TMEM60: variants seen among roughly 807,000 people sequenced by gnomAD.
TMEM60 encodes transmembrane protein 60.
A neutral mutation model predicts 10.7 loss-of-function variants in TMEM60; 4 were observed. That is an observed-to-expected ratio of 0.37 (90% CI 0.18 to 0.86). The LOEUF is 0.86. TMEM60 is among the 40% of genes least tolerant of loss of function. The pLI is 0.43. For synonymous variants in TMEM60, 56 were observed against 58.1 expected (o/e 0.96, Z 0.17); for missense variants, 128 against 153.4 (o/e 0.83, Z 0.88).
At chr7:77,797,460 C>T (rs575509273) in intron 1 of TMEM60, among the ~76,000 whole-genome samples, 1 of 152,224 alleles carries the variant, frequency 6.6e-6, no homozygotes, top group South Asian at 2.1e-4. Flanking sequence ...ACTTAAATGA[C>T]GATTGAAGGA....
At chr7:77,795,521 A>C (rs1792159150) in intron 1 of TMEM60, among the ~76,000 whole-genome samples, 1 of 152,198 alleles carries the variant, frequency 6.6e-6, no homozygotes, top group South Asian at 2.1e-4. Context: ...GTCTAAAAAA[A>C]AAAGATTGTA....
At chr7:77,795,550 A>G (rs1792159444) in intron 1 of TMEM60, among the ~76,000 whole-genome samples, 1 of 152,156 alleles carries the variant, frequency 6.6e-6, no homozygotes, top group Non-Finnish European at 1.5e-5. Context: ...GTTGGGCTAT[A>G]TAATATAAAA....
intron 1 of TMEM60, among the ~76,000 whole-genome samples, chr7:77,795,342 AAACCCC>A (rs1430512114): frequency 3.9e-5 from 6 of 152,122 alleles, no homozygotes; most frequent in African/African-American, 1.2e-4. Flanking sequence ...CAACATGGCG[AAACCCC>A]GTCTCTACTA....
At chr7:77,795,257 C>G (rs924043542) in intron 1 of TMEM60, among the ~76,000 whole-genome samples, 1 of 152,134 alleles carries the variant, frequency 6.6e-6, no homozygotes, top group African/African-American at 2.4e-5. Flanking sequence ...CAGTGGCTCA[C>G]ACCCACAGTC....
chr7:77,796,309 G>T (rs2150440586), intron 1 of TMEM60, among the ~76,000 whole-genome samples: 1 of 152,198 alleles, frequency 6.6e-6, no homozygotes, highest in Middle Eastern at 3.4e-3. Flanking sequence ...TGAAAACCTA[G>T]AATTTTGATT....
In TMEM60 at chr7:77,798,294, G is replaced by A. The variant is rs1792238908; in HGVS notation, c.-91C>T. 1 of 152,290 alleles carries A rather than the reference G, an allele frequency of 6.6e-6. No homozygotes were observed. The highest frequency in any genetic ancestry group is 1.5e-5 in the Non-Finnish European group (1 of 68,070). The allele number at this position is 152,290 out of a possible 1,614,324, so 9.4% of individuals were successfully genotyped here. On this transcript the variant is annotated 5_prime_UTR_variant, in exon 1 of 2. Coordinates refer to ENST00000257663, the MANE Select transcript of TMEM60 (RefSeq NM_032936.4). ...GCCGGAAAGCGGAGAGGGACGCGAAGATCAGCAAATTCGCCAGTTTGGATC... is the reference window on the plus strand; with the variant it reads ...GCCGGAAAGCGGAGAGGGACGCGAAAATCAGCAAATTCGCCAGTTTGGATC...
Position 77,793,813 on chromosome 7 carries a change from A to G in TMEM60, c.*159T>C. On this transcript the variant is annotated 3_prime_UTR_variant, in exon 2 of 2. Transcript: ENST00000257663. ...TGAATAATTAAGCTGTAGGTTGACT[A>G]GAAGTCCGTGATTCACCAATCCTGT... 1 of 714,836 alleles carries G rather than the reference A, an allele frequency of 1.4e-6. No individual in the cohort carries two copies. Among genetic ancestry groups the G allele is most frequent in the East Asian group, 3.1e-5 (1 of 32,616 alleles). The allele number at this position is 714,836 out of a possible 1,614,324, so 44.3% of individuals were successfully genotyped here. A position where few individuals can be genotyped will look rare whatever the true frequency, so the allele number is the denominator to read the frequency against.
intron 1 of TMEM60, 59 bp from the exon 2 acceptor site, chr7:77,794,482 A>G (rs377645527): frequency 3.4e-6 from 4 of 1,163,324 alleles, no homozygotes; most frequent in Non-Finnish European, 4.6e-6. Flanking sequence ...TATCACTTCC[A>G]TTCCTAATGA....
chr7:77,796,226 C>T (rs1481591955), intron 1 of TMEM60, among the ~76,000 whole-genome samples: 1 of 152,170 alleles, frequency 6.6e-6, no homozygotes, highest in East Asian at 1.9e-4. Context: ...GTTTGAGCCA[C>T]CACGCCGGCC....
rs747032871 is a variant in TMEM60, at chr7:77,793,936, T to C, written c.*36A>G. On this transcript the variant is annotated 3_prime_UTR_variant, in exon 2 of 2. Transcript: ENST00000257663. ...TCAGAACACTTTAATGGTAACTTGT[T>C]GAACAGCAATAGAAAGGAGATGATG... is the stretch of plus-strand genomic sequence containing the variant. 1 of 1,505,812 alleles carries C rather than the reference T, an allele frequency of 6.6e-7. No individual in the cohort carries two copies. The highest frequency in any genetic ancestry group is 2.3e-5 in the East Asian group (1 of 43,540). 93.3% of individuals were successfully genotyped at this position (1,505,812 alleles called of 1,614,324 possible).
chr7:77,795,349 G>A (rs897559555), intron 1 of TMEM60, among the ~76,000 whole-genome samples: 16 of 152,050 alleles, frequency 1.1e-4, no homozygotes, highest in Admixed American at 3.9e-4. Flanking sequence ...GCGAAACCCC[G>A]TCTCTACTAA....
chr7:77,797,301 G>C (rs1208179676), intron 1 of TMEM60, among the ~76,000 whole-genome samples: 1 of 152,024 alleles, frequency 6.6e-6, no homozygotes, highest in African/African-American at 2.4e-5. Context: ...TCTTACATTT[G>C]GCTGTACTTA....
At chr7:77,797,497 C>T (rs1311265018) in intron 1 of TMEM60, among the ~76,000 whole-genome samples, 4 of 152,176 alleles carry the variant, frequency 2.6e-5, no homozygotes, top group Non-Finnish European at 4.4e-5. Flanking sequence ...TGAGCTACAA[C>T]GATGACATAC....
At chr7:77,795,389 G>C (rs897270236) in intron 1 of TMEM60, among the ~76,000 whole-genome samples, 4 of 151,940 alleles carry the variant, frequency 2.6e-5, no homozygotes, top group African/African-American at 9.7e-5. Context: ...GCAGTAGCAC[G>C]TGCCTGTATT....
In TMEM60 at chr7:77,794,035, T is replaced by A. The variant is rs1203342161; in HGVS notation, c.339A>T (p.Leu113Phe). ...TMNLSYVFIPLWALLAGALTE... is the reference protein window; with the variant it reads ...TMNLSYVFIPFWALLAGALTE... Reference sequence around the variant, plus strand: ...TTAAAGCCCCAGCCAGCAAGGCCCATAAAGGAATGAAGACATAGGATAGAT... The same window carrying A: ...TTAAAGCCCCAGCCAGCAAGGCCCAAAAAGGAATGAAGACATAGGATAGAT... The change falls in exon 2 of 2, where the codon TTA becomes TTT. Residue 113 changes from leucine to phenylalanine, a missense_variant. By Grantham distance (22) the Leu-to-Phe change is conservative (BLOSUM62 0). Transcript: ENST00000257663. 9 of 1,607,576 alleles carry A rather than the reference T, an allele frequency of 5.6e-6. No individual in the cohort carries two copies. The highest frequency in any genetic ancestry group is 7.6e-6 in the Non-Finnish European group (9 of 1,178,252).
chr7:77,795,388 C>T (rs1396701989), intron 1 of TMEM60, among the ~76,000 whole-genome samples: 1 of 151,908 alleles, frequency 6.6e-6, no homozygotes, highest in African/African-American at 2.4e-5. Context: ...TGCAGTAGCA[C>T]GTGCCTGTAT....
chr7:77,796,796 T>C (rs960321049), intron 1 of TMEM60, among the ~76,000 whole-genome samples: 8 of 152,234 alleles, frequency 5.3e-5, no homozygotes, highest in Admixed American at 2.6e-4. Flanking sequence ...TTGAGCCAAA[T>C]ACCCTAGATT....
chr7:77,794,799 AAAG>A (rs2150440147), intron 1 of TMEM60, among the ~76,000 whole-genome samples: 1 of 152,318 alleles, frequency 6.6e-6, no homozygotes, highest in South Asian at 2.1e-4. Flanking sequence ...TACAAAGAAA[AAAG>A]CATTCAAAGT....
rs1338933910 is a variant in TMEM60, at chr7:77,794,186, G to C, written c.188C>G (p.Ser63Cys). Residue 63 changes from serine (S) to cysteine (C), a missense_variant, in exon 2 of 2, where the codon TCT becomes TGT. By Grantham distance (112) the Ser-to-Cys change is moderately radical (BLOSUM62 -1). Transcript: ENST00000257663. ...TGATCCATGTCGAGGGTCAAAGCCA[G>C]ACTTACACCGCCCAGCCATTTTCAC... ...LIVKMAGRCKSGFDPRHGSHN... is the reference protein window; with the variant it reads ...LIVKMAGRCKCGFDPRHGSHN... The C allele has an allele frequency of 6.2e-7, 1 of 1,613,732 alleles. No homozygotes were observed. The highest frequency in any genetic ancestry group is 1.1e-5 in the South Asian group (1 of 91,006).
Sources: gnomAD v4.1 joint callset for allele counts (sites outside exome capture counted in the v4.1 genomes callset) on GRCh38, gnomAD v4.1.1 for gene constraint, MANE v1.5 for transcripts, NCBI Gene and HGNC (gene_info 2026-07-23, HGNC 2026-07-21) for gene names.